Variants in STK32B observed in about 807,000 individuals in gnomAD.
STK32B encodes the protein serine/threonine-protein kinase 32B.
Under a neutral mutation model 52.6 loss-of-function variants are expected in STK32B, and 43 were observed. That is an observed-to-expected ratio of 0.82 (90% CI 0.64 to 1.05). The LOEUF (loss-of-function observed/expected upper bound fraction) is 1.05, where lower values mean the gene tolerates loss of function less well. Among genes scored for constraint, STK32B ranks in the 50% least tolerant of loss-of-function variants. The pLI is 0.00. For synonymous variants in STK32B, 238 were observed against 204.3 expected, an observed-to-expected ratio of 1.17 and a Z score of -1.41; for missense variants, 621 against 534.6, an observed-to-expected ratio of 1.16 and a Z score of -1.59.
intron 3 of STK32B, among the ~76,000 whole-genome samples, chr4:5,276,381 T>C (rs1004632347): frequency 2.6e-5 from 4 of 152,174 alleles, no homozygotes; most frequent in Admixed American, 1.3e-4. Context: ...GCATCCTACT[T>C]TGGGGAGGTC....
At chr4:5,192,773 AGTC>A (rs1011785060) in intron 3 of STK32B, among the ~76,000 whole-genome samples, 1 of 151,804 alleles carries the variant, frequency 6.6e-6, no homozygotes, top group African/African-American at 2.4e-5. Flanking sequence ...CGAGTACACA[AGTC>A]GTTCTTACCA....
Position 5,196,675 on chromosome 4 carries a change from C to T in STK32B, c.260+28225C>T, listed in dbSNP as rs566883950. ...GGCGGAGGTTGCAGTGAGCTGAGAT[C>T]GTGCCACTGCTCTCCAGTCTGGGCG... On this transcript the variant is annotated intron_variant, in intron 3 of 11. Coordinates refer to ENST00000282908, the MANE Select transcript of STK32B (RefSeq NM_018401.3). Among the ~76,000 whole-genome samples, 464 of 151,710 alleles carry T rather than the reference C, an allele frequency of 3.1e-3. 1 individual carries two copies. The highest frequency in any genetic ancestry group is 0.01 in the African/African-American group (431 of 41,400).
chr4:5,083,383 A>G (rs1458464079), intron 1 of STK32B, among the ~76,000 whole-genome samples: 2 of 152,130 alleles, frequency 1.3e-5, no homozygotes, highest in African/African-American at 2.4e-5. Context: ...ACTGAGTTGT[A>G]TTTTCATCTT....
At chr4:5,102,051 C>T (rs917370097) in intron 1 of STK32B, among the ~76,000 whole-genome samples, 3 of 152,304 alleles carry the variant, frequency 2.0e-5, no homozygotes, top group Middle Eastern at 3.4e-3. Flanking sequence ...TGTGGTCATG[C>T]TGTTGATGGT....
chr4:5,490,981 C>T (rs1283680765), intron 11 of STK32B, among the ~76,000 whole-genome samples: 3 of 152,136 alleles, frequency 2.0e-5, no homozygotes, highest in Non-Finnish European at 4.4e-5. Flanking sequence ...CATTGTTGGA[C>T]ATTTGGGTTG....
intron 6 of STK32B, chr4:5,436,766 A>C: frequency 1.3e-6 from 1 of 769,564 alleles, no homozygotes; most frequent in Non-Finnish European, 1.6e-6. Flanking sequence ...AGAATTCTAG[A>C]CTTGACCTCA....
At chr4:5,065,152 C>T (rs1742367832) in intron 1 of STK32B, among the ~76,000 whole-genome samples, 1 of 152,064 alleles carries the variant, frequency 6.6e-6, no homozygotes, top group African/African-American at 2.4e-5. Flanking sequence ...CTGTGTCAGT[C>T]AGGGTGCAGT....
At chr4:5,426,412 T>C (rs1021483324) in intron 6 of STK32B, among the ~76,000 whole-genome samples, 2 of 152,112 alleles carry the variant, frequency 1.3e-5, no homozygotes, top group African/African-American at 4.8e-5. Flanking sequence ...GTTAATTTAT[T>C]GGATTATTTT....
chr4:5,438,736 A>G (rs1156862780), intron 6 of STK32B, among the ~76,000 whole-genome samples: 2 of 152,206 alleles, frequency 1.3e-5, no homozygotes, highest in African/African-American at 4.8e-5. Context: ...ATATCTCCCG[A>G]TGCTATCCCT....
At chr4:5,440,729 T>A (rs1363535860) in intron 6 of STK32B, among the ~76,000 whole-genome samples, 1 of 152,182 alleles carries the variant, frequency 6.6e-6, no homozygotes, top group Non-Finnish European at 1.5e-5. Context: ...CAGTATGATA[T>A]TGGCTGTGGG....
chr4:5,274,012 AC>A (rs1223225393), intron 3 of STK32B, among the ~76,000 whole-genome samples: 2 of 152,040 alleles, frequency 1.3e-5, no homozygotes, highest in Non-Finnish European at 2.9e-5. Flanking sequence ...AAACAAAAAA[AC>A]AAAACAAACA....
At chr4:5,173,101 G>A (rs997906246) in intron 3 of STK32B, among the ~76,000 whole-genome samples, 1 of 152,180 alleles carries the variant, frequency 6.6e-6, no homozygotes, top group Non-Finnish European at 1.5e-5. Context: ...TTGCGTAGAG[G>A]TGTTGATAGT....
intron 11 of STK32B, among the ~76,000 whole-genome samples, chr4:5,498,687 A>G (rs1455732231): frequency 6.6e-6 from 1 of 152,250 alleles, no homozygotes; most frequent in Non-Finnish European, 1.5e-5. Context: ...CAAGATGGGA[A>G]TTATTATCTC....
At chr4:5,317,243 ATT>A (rs1370471409) in intron 3 of STK32B, among the ~76,000 whole-genome samples, 2,437 of 47,290 alleles carry the variant, frequency 0.052, 488 homozygotes, top group African/African-American at 0.25. Context: ...ACATATATAT[ATT>A]ATATATAACA....
chr4:5,096,157 G>A (rs1713381472), intron 1 of STK32B, among the ~76,000 whole-genome samples: 1 of 152,198 alleles, frequency 6.6e-6, no homozygotes, highest in Admixed American at 6.5e-5. Context: ...AGCATGTGCT[G>A]TAACATAGTA....
At chr4:5,081,503 T>C (rs1481222567) in intron 1 of STK32B, among the ~76,000 whole-genome samples, 1 of 152,162 alleles carries the variant, frequency 6.6e-6, no homozygotes, top group Non-Finnish European at 1.5e-5. Context: ...CATATTCCCA[T>C]AGTCCATCTA....
At chr4:5,267,222 A>C (rs1727110106) in intron 3 of STK32B, among the ~76,000 whole-genome samples, 1 of 152,214 alleles carries the variant, frequency 6.6e-6, no homozygotes, top group Admixed American at 6.5e-5. Flanking sequence ...TATTCAATGC[A>C]AAGAACTGTC....
intron 3 of STK32B, among the ~76,000 whole-genome samples, chr4:5,307,161 T>A (rs528181447): frequency 1.3e-5 from 2 of 152,350 alleles, no homozygotes; most frequent in South Asian, 4.1e-4. Context: ...TTTTTTGAAC[T>A]TGTTGTATTT....
intron 4 of STK32B, among the ~76,000 whole-genome samples, chr4:5,370,988 G>A (rs1735189069): frequency 7.2e-6 from 1 of 138,560 alleles, no homozygotes; most frequent in Admixed American, 7.4e-5. Flanking sequence ...ATATATATGT[G>A]TGTGTGTGTA....
Sources: gnomAD v4.1 joint callset for allele counts (sites outside exome capture counted in the v4.1 genomes callset) on GRCh38, gnomAD v4.1.1 for gene constraint, MANE v1.5 for transcripts, NCBI Gene and HGNC (gene_info 2026-07-23, HGNC 2026-07-21) for gene names.